Variants in ITFG1 observed in about 807,000 individuals in gnomAD.
ITFG1 encodes T-cell immunomodulatory protein.
A neutral mutation model predicts 81.8 loss-of-function variants in ITFG1; 34 were observed. The ratio of observed to expected loss-of-function variants is 0.42; its 90% CI spans 0.32 to 0.55. ITFG1 has a LOEUF of 0.55. Ranked by LOEUF, ITFG1 falls within the 20% of genes least tolerant of loss-of-function variation. The pLI is 0.17. For missense variants in ITFG1, 672 were observed against 755.4 expected, an observed-to-expected ratio of 0.89 and a Z score of 1.29; for synonymous variants, 285 against 270.6, an observed-to-expected ratio of 1.05 and a Z score of -0.52.
intron 10 of ITFG1, among the ~76,000 whole-genome samples, chr16:47,273,409 T>A (rs778597233): frequency 6.6e-6 from 1 of 152,224 alleles, no homozygotes; most frequent in Non-Finnish European, 1.5e-5. Context: ...AAGTGCAGAA[T>A]GCTTAGCTAA....
chr16:47,207,412 A>G (rs1452913054), intron 14 of ITFG1, among the ~76,000 whole-genome samples: 1 of 152,220 alleles, frequency 6.6e-6, no homozygotes, highest in Admixed American at 6.5e-5. Flanking sequence ...TGGAGGTACC[A>G]CACAATAAAA....
rs569985604 is a variant in ITFG1 at position 47,177,542 on chromosome 16, T to C, written c.1454-14878A>G. On this transcript the variant is annotated intron_variant, in intron 14 of 17. Transcript: ENST00000320640. Reference sequence around the variant, plus strand: ...TGTTCCATGTATCAAACAACTGACATGTAAACTTTTAGAAAAGAATATGTA... The same window carrying C: ...TGTTCCATGTATCAAACAACTGACACGTAAACTTTTAGAAAAGAATATGTA... 2.1e-3 allele frequency among the ~76,000 whole-genome samples: 317 copies of C among 152,324 alleles called. 1 individual carries two copies. Among genetic ancestry groups the C allele is most frequent in the Admixed American group, 5.7e-3 (88 of 15,306 alleles).
At chr16:47,450,519 C>T in intron 5 of ITFG1, 1 of 323,244 alleles carries the variant, frequency 3.1e-6, no homozygotes, top group South Asian at 2.5e-5. Context: ...AAAATTTTCA[C>T]AATTTACTCC....
chr16:47,392,130 G>A (rs1968539231), intron 6 of ITFG1, among the ~76,000 whole-genome samples: 1 of 152,140 alleles, frequency 6.6e-6, no homozygotes, highest in Admixed American at 6.6e-5. Context: ...AGATCTGAAG[G>A]AGGCTGGGTG....
intron 13 of ITFG1, among the ~76,000 whole-genome samples, chr16:47,227,967 T>C (rs1205952125): frequency 6.6e-6 from 1 of 152,204 alleles, no homozygotes; most frequent in East Asian, 1.9e-4. Context: ...CAATTTAGTT[T>C]AATATTGACA....
chr16:47,413,685 G>A (rs897762298), intron 6 of ITFG1, among the ~76,000 whole-genome samples: 1 of 152,032 alleles, frequency 6.6e-6, no homozygotes, highest in African/African-American at 2.4e-5. Flanking sequence ...AACAGAGCAA[G>A]ACTTTGTCTG....
At chr16:47,341,157 A>G (rs1015895722) in intron 8 of ITFG1, among the ~76,000 whole-genome samples, 10 of 151,980 alleles carry the variant, frequency 6.6e-5, no homozygotes, top group African/African-American at 2.2e-4. Context: ...GCTTAGGCCT[A>G]TAATCCCAGT....
intron 10 of ITFG1, among the ~76,000 whole-genome samples, chr16:47,280,036 A>G (rs1243330326): frequency 2.6e-5 from 4 of 152,064 alleles, no homozygotes; most frequent in East Asian, 1.9e-4. Context: ...CAAATTTTCT[A>G]CACCAACAAT....
Position 47,253,672 on chromosome 16 carries a change from C to T in ITFG1, c.1330+4960G>A, listed in dbSNP as rs117857423. 1.6e-3 allele frequency among the ~76,000 whole-genome samples: 248 copies of T among 152,304 alleles called. 2 individuals are homozygous for T. The highest frequency in any genetic ancestry group is 2.7e-3 in the Non-Finnish European group (185 of 68,032). On this transcript the variant is annotated intron_variant, in intron 12 of 17. Coordinates refer to ENST00000320640, the MANE Select transcript of ITFG1 (RefSeq NM_030790.5). ...TAGTTAGATTCTCATAAGGAGCACACAACCTAGATCCCTCACATGTGCAGT... is the reference window on the plus strand; with the variant it reads ...TAGTTAGATTCTCATAAGGAGCACATAACCTAGATCCCTCACATGTGCAGT...
intron 6 of ITFG1, chr16:47,426,234 GGTAGCA>G (rs1969019498): frequency 6.6e-6 from 1 of 151,980 alleles, no homozygotes; most frequent in Admixed American, 6.6e-5. Context: ...TGTGCAGATG[GGTAGCA>G]GTAGCCCTGG....
Position 47,313,769 on chromosome 16 carries a change from T to C in ITFG1, c.857A>G (p.Gln286Arg). The C allele has an allele frequency of 1.2e-6, 2 of 1,610,056 alleles. No individual in the cohort carries two copies. The highest frequency in any genetic ancestry group is 1.3e-5 in the African/African-American group (1 of 74,882). The part of the protein sequence containing the change: ...LLPGCEDKNC[Q>R]KSTIYLVRSG... ...TCTCACTAAGTAGATGGTACTCTTT[T>C]GGCAATTTTTATCTTCACAGCCTGG... The change falls in exon 9 of 18, where the codon CAA becomes CGA. Residue 286 changes from glutamine (Q) to arginine (R), a missense_variant. Gln to Arg is a conservative substitution (Grantham distance 43). Transcript: ENST00000320640.
At chr16:47,235,183 G>A (rs909262390) in intron 13 of ITFG1, among the ~76,000 whole-genome samples, 1 of 152,166 alleles carries the variant, frequency 6.6e-6, no homozygotes, top group African/African-American at 2.4e-5. Flanking sequence ...GCATAGGAGG[G>A]AATAAGAGAT....
rs1481090678 is a variant in ITFG1, at chr16:47,345,299, T to TG, written c.802+20488_802+20489insC. ...AAAATTGCAAAAAAACTCTTTTTTT[T>TG]TTTGTTTGTTTGTTTTTTTTAGACA... On this transcript the variant is annotated intron_variant, in intron 8 of 17. Transcript: ENST00000320640. Among the ~76,000 whole-genome samples the TG allele has an allele frequency of 2.0e-5, 3 of 151,296 alleles. No individual in the cohort carries two copies. The East Asian group carries it at 5.8e-4, about 29-fold the overall frequency.
chr16:47,324,535 G>GTTTA (rs1967500800), intron 8 of ITFG1, among the ~76,000 whole-genome samples: 1 of 152,170 alleles, frequency 6.6e-6, no homozygotes, highest in South Asian at 2.1e-4. Flanking sequence ...AAAAGGCACG[G>GTTTA]ACTGGCAAAT....
upstream of ITFG1, chr16:47,461,137 C>T: frequency 2.4e-6 from 3 of 1,259,406 alleles, no homozygotes; most frequent in African/African-American, 1.5e-5. Context: ...TGGCGCGCAG[C>T]CCCGGGACGC....
rs1965660431 is a variant in ITFG1 at position 47,219,057 on chromosome 16, GAGA to G, written c.1375-114_1375-112del. ...TTCTTACACAGATGACAGTTACTTAGAGACCCCTTCCATTAACAGCACATCAAA... is the reference window on the plus strand; with the variant it reads ...TTCTTACACAGATGACAGTTACTTAGCCCCTTCCATTAACAGCACATCAAA... On this transcript the variant is annotated intron_variant, in intron 13 of 17. Transcript: ENST00000320640. 3.9e-5 allele frequency: 21 copies of G among 533,608 alleles called. No individual in the cohort carries two copies. In the South Asian group the frequency reaches 6.8e-4, roughly 17 times the overall value. The allele number at this position is 533,608 out of a possible 1,614,324, so 33.1% of individuals were successfully genotyped here.
At chr16:47,239,241 G>A (rs903478495) in intron 12 of ITFG1, among the ~76,000 whole-genome samples, 10 of 150,638 alleles carry the variant, frequency 6.6e-5, no homozygotes, top group South Asian at 2.1e-4. Context: ...TTGCTCTGTC[G>A]CCAGGCTGGA....
At position 47,419,586 on chromosome 16, in the gene ITFG1, G is replaced by A. The variant is rs972089481; in HGVS notation, c.655+9218C>T. On this transcript the variant is annotated intron_variant, in intron 6 of 17. Transcript: ENST00000320640. ...TGCACCTGTTCCCTTGCACTTTCAC[G>A]GCCTTACTTCAGGTCTTTTTTTTTT... Among the ~76,000 whole-genome samples, 15 of 148,770 alleles carry A rather than the reference G, an allele frequency of 1.0e-4. 1 individual carries two copies. The highest frequency in any genetic ancestry group is 4.0e-4 in the Admixed American group (6 of 14,856).
At chr16:47,214,958 A>ACACACG (rs1965607879) in intron 14 of ITFG1, among the ~76,000 whole-genome samples, 1 of 142,760 alleles carries the variant, frequency 7.0e-6, no homozygotes, top group African/African-American at 2.7e-5. Flanking sequence ...ACACACACAC[A>ACACACG]CACGCACGCA....
Sources: allele counts gnomAD v4.1 joint callset (sites outside exome capture counted in the v4.1 genomes callset), GRCh38; gene constraint gnomAD v4.1.1; transcripts MANE v1.5; gene names NCBI Gene and HGNC (gene_info 2026-07-23, HGNC 2026-07-21).